The following BID variants were observed in gnomAD, a reference collection of about 807,000 sequenced individuals.
The protein encoded by BID is BH3-interacting domain death agonist.
A neutral mutation model predicts 17.4 loss-of-function variants in BID; 19 were observed. The observed-to-expected ratio is 1.09, with a 90% CI of 0.76 to 1.60. BID has a LOEUF of 1.60. Ranked by LOEUF, BID falls within the 40% of genes most tolerant of loss-of-function variation. The pLI is 0.00. For missense variants in BID, 226 were observed against 256.0 expected (o/e 0.88, Z 0.80); for synonymous variants, 108 against 102.8 (o/e 1.05, Z -0.31).
rs762014474 is a variant in BID at position 17,773,348 on chromosome 22, G to A, written c.-59+1033C>T. On this transcript the variant is annotated intron_variant, in intron 1 of 5. Coordinates refer to ENST00000622694, the MANE Select transcript of BID (RefSeq NM_001196.4). This position sits in a 1 kb window ranked among gnomAD's most constrained non-coding sequence, Gnocchi z 4.4. Reference sequence around the variant, plus strand: ...CCAGGGGACTGCAGGGCCCCAGGACGGCACACATTCAGGCCCAGGAGAGCT... The same window carrying A: ...CCAGGGGACTGCAGGGCCCCAGGACAGCACACATTCAGGCCCAGGAGAGCT... 3.9e-5 allele frequency among the ~76,000 whole-genome samples: 6 copies of A among 152,100 alleles called. No homozygotes were observed. Among genetic ancestry groups the A allele is most frequent in the Non-Finnish European group, 7.4e-5 (5 of 68,002 alleles).
At chr22:17,738,426 A>G (rs942623593) in intron 4 of BID, among the ~76,000 whole-genome samples, 197 bp from the exon 5 acceptor site, 2 of 152,326 alleles carry the variant, frequency 1.3e-5, no homozygotes, top group Admixed American at 6.5e-5. Context: ...GGGGCTCGGT[A>G]AGCAAACGCA....
At chr22:17,757,512 T>C (rs1402980049) in intron 1 of BID, among the ~76,000 whole-genome samples, 1 of 147,278 alleles carries the variant, frequency 6.8e-6, no homozygotes, top group Non-Finnish European at 1.5e-5. Flanking sequence ...ATCCAGACCA[T>C]CCTGGCTAAC....
chr22:17,738,029 G>A lies in BID; in HGVS notation c.564C>T (p.Ser188=), dbSNP rs747537974. 2.5e-6 allele frequency: 4 copies of A among 1,614,176 alleles called. No individual in the cohort carries two copies. Among genetic ancestry groups the A allele is most frequent in the South Asian group, 1.1e-5 (1 of 91,088 alleles). Residue 188 remains serine (S), a synonymous_variant, in exon 5 of 6, where the codon AGC becomes AGT. Coordinates refer to ENST00000622694, the MANE Select transcript of BID (RefSeq NM_001196.4). ...INQNLRTYVR[S]LARNGMD ...CAAGGGTTCTTACATTTCTGGCTAAGCTCCTCACGTAGGTGCGTAGGTTCT... is the reference window on the plus strand; with the variant it reads ...CAAGGGTTCTTACATTTCTGGCTAAACTCCTCACGTAGGTGCGTAGGTTCT...
intron 3 of BID, chr22:17,739,835 T>C: frequency 1.7e-6 from 1 of 596,270 alleles, no homozygotes; most frequent in South Asian, 2.0e-5. Context: ...CCCAACAGGG[T>C]TGGCCTTGGC....
At chr22:17,757,446 T>C (rs181414) in intron 1 of BID, among the ~76,000 whole-genome samples, 48,612 of 143,684 alleles carry the variant, frequency 0.34, 9,663 homozygotes, top group East Asian at 0.72. Context: ...CAGTCGCTCA[T>C]GCCTGTAATC....
intron 2 of BID, among the ~76,000 whole-genome samples, chr22:17,748,760 C>G (rs1477663582): frequency 6.6e-6 from 1 of 152,182 alleles, no homozygotes; most frequent in Non-Finnish European, 1.5e-5. Flanking sequence ...GGCGCCTCCT[C>G]CGGCGAGTCA....
At chr22:17,746,915 G>A (rs1010653144) in intron 2 of BID, among the ~76,000 whole-genome samples, 7 of 152,186 alleles carry the variant, frequency 4.6e-5, no homozygotes, top group Non-Finnish European at 1.0e-4. Flanking sequence ...GCCTACAGCA[G>A]CCCCAAGAAG....
chr22:17,773,608 A>G lies in BID; in HGVS notation c.-59+773T>C, dbSNP rs554766519. 13 of 1,612,460 alleles carry G rather than the reference A, an allele frequency of 8.1e-6. No individual in the cohort carries two copies. Among genetic ancestry groups the G allele is most frequent in the African/African-American group, 6.7e-5 (5 of 75,006 alleles). On this transcript the variant is annotated intron_variant, in intron 1 of 5. Transcript: ENST00000622694. This position sits in a 1 kb window ranked among gnomAD's most constrained non-coding sequence, Gnocchi z 4.4. ...AGAAGGCCCAGCCCCCAGCCCACTT[A>G]CAGAATCCGCACTGTGCTCCTCCAG... is the stretch of plus-strand genomic sequence containing the variant.
Position 17,735,318 on chromosome 22 carries a change from CA to C in BID, c.*261del. 1.3e-5 allele frequency: 6 copies of C among 463,238 alleles called. No homozygotes were observed. The highest frequency in any genetic ancestry group is 6.7e-5 in the South Asian group (2 of 29,874). The allele number at this position is 463,238 out of a possible 1,614,324, so 28.7% of individuals were successfully genotyped here. ...AATAAAGGCACCGTGTGTAGATTTA[CA>C]GATGTGCAGATTCATGTGTGGATGA... On this transcript the variant is annotated 3_prime_UTR_variant, in exon 6 of 6. Transcript: ENST00000622694.
Position 17,743,972 on chromosome 22 carries a change from G to A in BID, c.54C>T (p.Asn18=), listed in dbSNP as rs1274332123. The A allele has an allele frequency of 6.2e-7, 1 of 1,614,080 alleles. No individual in the cohort carries two copies. Among genetic ancestry groups the A allele is most frequent in the East Asian group, 2.2e-5 (1 of 44,888 alleles). Residue 18 remains asparagine, a synonymous_variant, in exon 3 of 6, where the codon AAC becomes AAT. Coordinates refer to ENST00000622694, the MANE Select transcript of BID (RefSeq NM_001196.4). ...GSSLRDECIT[N]LLVFGFLQSC... is the part of the protein sequence containing the mutation. The stretch of plus-strand genomic sequence containing the variant: ...TTTGGAGGAAGCCAAACACCAGTAG[G>A]TTTGTGATGCACTCATCCCTGAGGC...
chr22:17,756,453 T>G (rs28641832), intron 1 of BID, among the ~76,000 whole-genome samples: 4 of 116,112 alleles, frequency 3.4e-5, no homozygotes, highest in Non-Finnish European at 7.3e-5. Flanking sequence ...CTTTCTTTCT[T>G]TCTTTCTTTC....
At chr22:17,740,780 A>T (rs2061454029) in intron 3 of BID, 1 of 153,346 alleles carries the variant, frequency 6.5e-6, no homozygotes, top group East Asian at 1.9e-4. Context: ...CTATAATCCC[A>T]GCTACACAGG....
chr22:17,749,344 C>T (rs1252444327), intron 2 of BID, among the ~76,000 whole-genome samples: 1 of 152,148 alleles, frequency 6.6e-6, no homozygotes, highest in Non-Finnish European at 1.5e-5. Context: ...AGAACTCCAC[C>T]GCTTTTATCT....
rs546119254 is a variant in BID at position 17,748,178 on chromosome 22, C to T, written c.12+1927G>A. 1.9e-4 allele frequency among the ~76,000 whole-genome samples: 28 copies of T among 148,948 alleles called. 1 individual carries two copies. Among genetic ancestry groups the T allele is most frequent in the Non-Finnish European group, 3.1e-4 (21 of 67,540 alleles). On this transcript the variant is annotated intron_variant, in intron 2 of 5. Coordinates refer to ENST00000622694, the MANE Select transcript of BID (RefSeq NM_001196.4). ...GAGCGGAGATCACATCACTGCACTC[C>T]AGCCTGGGCGACAGAGCAAAACTGC... is the stretch of plus-strand genomic sequence containing the variant.
intron 4 of BID, among the ~76,000 whole-genome samples, chr22:17,738,433 C>T (rs541072765): frequency 3.3e-5 from 5 of 152,154 alleles, no homozygotes; most frequent in South Asian, 4.1e-4. Flanking sequence ...GGTAAGCAAA[C>T]GCATGTGTGG....
At chr22:17,735,966 C>T (rs148219778) in intron 5 of BID, among the ~76,000 whole-genome samples, 1 of 152,304 alleles carries the variant, frequency 6.6e-6, no homozygotes, top group East Asian at 1.9e-4. Flanking sequence ...GGAATGGTCT[C>T]AGGCTTACCT....
rs1274589401 is a variant in BID, at chr22:17,774,445, A to C, written c.-123T>G. ...GGCAGCGTCTCCCAGGCGCGCGGAC[A>C]CGGTCGACTACCCGCTTCCTCCTTA... On this transcript the variant is annotated 5_prime_UTR_variant, in exon 1 of 6. Transcript: ENST00000622694. 7 of 292,126 alleles carry C rather than the reference A, an allele frequency of 2.4e-5. No individual in the cohort carries two copies. Among genetic ancestry groups the C allele is most frequent in the African/African-American group, 4.5e-5 (2 of 44,360 alleles). 18.1% of individuals were successfully genotyped at this position (292,126 alleles called of 1,614,324 possible). A position where few individuals can be genotyped will look rare whatever the true frequency, so the allele number is the denominator to read the frequency against.
chr22:17,751,608 T>A (rs1462807802), intron 1 of BID, among the ~76,000 whole-genome samples: 1 of 152,200 alleles, frequency 6.6e-6, no homozygotes, highest in Non-Finnish European at 1.5e-5. Flanking sequence ...GGAGAAAGCC[T>A]GTGCCCAGGC....
Position 17,748,997 on chromosome 22 carries a change from C to T in BID, c.12+1108G>A, listed in dbSNP as rs541156962. On this transcript the variant is annotated intron_variant, in intron 2 of 5. Coordinates refer to ENST00000622694, the MANE Select transcript of BID (RefSeq NM_001196.4). ...GCCCTCCAGCCACCACGCTGAAATCCACACCGTCCCCACCTTTGGAAAGGA... is the reference window on the plus strand; with the variant it reads ...GCCCTCCAGCCACCACGCTGAAATCTACACCGTCCCCACCTTTGGAAAGGA... Among the ~76,000 whole-genome samples, 34 of 152,204 alleles carry T rather than the reference C, an allele frequency of 2.2e-4. No individual in the cohort carries two copies. The East Asian group carries it at 6.4e-3, about 29-fold the overall frequency.
Sources: gnomAD v4.1 joint callset for allele counts (sites outside exome capture counted in the v4.1 genomes callset) on GRCh38, gnomAD v4.1.1 for gene constraint, Gnocchi (gnomAD v3.1) non-coding constraint, MANE v1.5 for transcripts, NCBI Gene and HGNC (gene_info 2026-07-23, HGNC 2026-07-21) for gene names.